ULK4: variants seen among roughly 807,000 people sequenced by gnomAD.
ULK4 encodes the protein unc-51 like kinase 4.
Under a neutral mutation model 160.6 loss-of-function variants are expected in ULK4, and 133 were observed. The observed-to-expected ratio is 0.83, with a 90% CI of 0.72 to 0.96. The LOEUF (loss-of-function observed/expected upper bound fraction) is 0.96, where lower values mean the gene tolerates loss of function less well. ULK4 is among the 40% of genes least tolerant of loss of function. The pLI is 0.00. For synonymous variants in ULK4, 534 were observed against 539.8 expected, an observed-to-expected ratio of 0.99 and a Z score of 0.15; for missense variants, 1,580 against 1,499.5, an observed-to-expected ratio of 1.05 and a Z score of -0.89.
intron 32 of ULK4, among the ~76,000 whole-genome samples, chr3:41,520,235 G>A (rs900715439): frequency 6.0e-5 from 9 of 149,778 alleles, no homozygotes; most frequent in African/African-American, 2.2e-4. Flanking sequence ...CCCAGCCCCT[G>A]GTAACCCCTG....
At chr3:41,895,976 T>G (rs1412267722) in intron 15 of ULK4, among the ~76,000 whole-genome samples, 1 of 152,156 alleles carries the variant, frequency 6.6e-6, no homozygotes, top group Non-Finnish European at 1.5e-5. Flanking sequence ...TGCCAATCGA[T>G]GCTTAAACAT....
intron 30 of ULK4, among the ~76,000 whole-genome samples, chr3:41,640,203 A>C (rs915264854): frequency 6.6e-6 from 1 of 152,202 alleles, no homozygotes; most frequent in Admixed American, 6.5e-5. Flanking sequence ...CCCCCACTGG[A>C]CCAGCTAGGA....
At chr3:41,321,184 G>A (rs1424949761) in intron 35 of ULK4, among the ~76,000 whole-genome samples, 1 of 152,104 alleles carries the variant, frequency 6.6e-6, no homozygotes, top group African/African-American at 2.4e-5. Context: ...AAGAGAAGAG[G>A]TGTTAATTAG....
chr3:41,765,361 G>T (rs1204600659), intron 21 of ULK4, among the ~76,000 whole-genome samples: 5 of 152,058 alleles, frequency 3.3e-5, no homozygotes, highest in Admixed American at 3.3e-4. Flanking sequence ...TGAACAATGA[G>T]AACACTTGGA....
At chr3:41,599,718 C>T (rs900167665) in intron 31 of ULK4, among the ~76,000 whole-genome samples, 3 of 151,968 alleles carry the variant, frequency 2.0e-5, no homozygotes, top group African/African-American at 7.3e-5. Flanking sequence ...GCACATACCA[C>T]CATGCCCAGC....
intron 34 of ULK4, among the ~76,000 whole-genome samples, chr3:41,401,815 T>C (rs1054431373): frequency 2.6e-5 from 4 of 152,142 alleles, no homozygotes; most frequent in Non-Finnish European, 5.9e-5. Context: ...CTGCACTAAG[T>C]CCAGTTTGGC....
At chr3:41,297,440 C>A (rs998172743) in intron 35 of ULK4, among the ~76,000 whole-genome samples, 1 of 152,196 alleles carries the variant, frequency 6.6e-6, no homozygotes, top group Non-Finnish European at 1.5e-5. Context: ...AAACAGGGGC[C>A]GAACTGATGC....
At chr3:41,808,799 C>T (rs749744353) in intron 19 of ULK4, among the ~76,000 whole-genome samples, 5 of 152,150 alleles carry the variant, frequency 3.3e-5, no homozygotes, top group African/African-American at 4.8e-5. Context: ...TGGACAAATG[C>T]CGTCAGGGCA....
intron 30 of ULK4, among the ~76,000 whole-genome samples, chr3:41,648,023 G>C (rs959566393): frequency 6.6e-6 from 1 of 152,222 alleles, no homozygotes; most frequent in African/African-American, 2.4e-5. Flanking sequence ...TAATCTCGTG[G>C]TGCGCCATTT....
intron 19 of ULK4, among the ~76,000 whole-genome samples, chr3:41,803,157 G>C (rs966333279): frequency 7.2e-6 from 1 of 138,074 alleles, no homozygotes; most frequent in Non-Finnish European, 1.5e-5. Context: ...GGCTTACAGA[G>C]CAAGACTCCA....
In ULK4 at chr3:41,566,185, G is replaced by T. The variant is rs1045677198; in HGVS notation, c.3121-55C>A. 6 of 1,464,324 alleles carry T rather than the reference G, an allele frequency of 4.1e-6. No individual in the cohort carries two copies. The Admixed American group carries it at 1.1e-4, about 26-fold the overall frequency. The allele number at this position is 1,464,324 out of a possible 1,614,324, so 90.7% of individuals were successfully genotyped here. A position where few individuals can be genotyped will look rare whatever the true frequency, so the allele number is the denominator to read the frequency against. Reference sequence around the variant, plus strand: ...CATACAGAAATACAATTACATCATCGTAAAGACAAATAAGCAAATGATGTC... The same window carrying T: ...CATACAGAAATACAATTACATCATCTTAAAGACAAATAAGCAAATGATGTC... On this transcript the variant is annotated intron_variant, in intron 31 of 36. Transcript: ENST00000301831.
Position 41,789,654 on chromosome 3 carries a change from G to C in ULK4, c.2193+7C>G. 1 of 1,562,024 alleles carries C rather than the reference G, an allele frequency of 6.4e-7. No individual in the cohort carries two copies. The highest frequency in any genetic ancestry group is 8.7e-7 in the Non-Finnish European group (1 of 1,155,392). Reference sequence around the variant, plus strand: ...ATGTAGAGTAACAGGTAAAATCTAAGTCAAACCTTTTCTTGGATTAGTCTT... The same window carrying C: ...ATGTAGAGTAACAGGTAAAATCTAACTCAAACCTTTTCTTGGATTAGTCTT... On this transcript the variant is annotated splice_region_variant and intron_variant, in intron 21 of 36. Coordinates refer to ENST00000301831, the MANE Select transcript of ULK4 (RefSeq NM_017886.4).
At chr3:41,297,177 G>A (rs1191308092) in intron 35 of ULK4, among the ~76,000 whole-genome samples, 5 of 152,156 alleles carry the variant, frequency 3.3e-5, no homozygotes, top group African/African-American at 1.2e-4. Flanking sequence ...CTGCCTCCGT[G>A]AGCGCCTGCT....
At chr3:41,664,259 T>C (rs1253696459) in intron 29 of ULK4, among the ~76,000 whole-genome samples, 1 of 152,170 alleles carries the variant, frequency 6.6e-6, no homozygotes, top group African/African-American at 2.4e-5. Context: ...CACCCTCACA[T>C]TCAGAGACTC....
At chr3:41,724,247 T>C (rs1253686502) in intron 22 of ULK4, among the ~76,000 whole-genome samples, 1 of 152,240 alleles carries the variant, frequency 6.6e-6, no homozygotes, top group African/African-American at 2.4e-5. Flanking sequence ...TTTCAATTAA[T>C]GAATAGGGCT....
chr3:41,436,225 T>C (rs73828025), intron 34 of ULK4, among the ~76,000 whole-genome samples: 1,639 of 152,290 alleles, frequency 0.011, 23 homozygotes, highest in African/African-American at 0.038. Context: ...TCTGAGCACA[T>C]ATAAGGTAGG....
At chr3:41,647,412 G>C (rs557672126) in intron 30 of ULK4, among the ~76,000 whole-genome samples, 2 of 152,342 alleles carry the variant, frequency 1.3e-5, no homozygotes, top group African/African-American at 4.8e-5. Context: ...CCTTCTAACA[G>C]ACAGGACCCT....
chr3:41,749,467 A>G (rs1231827851), intron 22 of ULK4, among the ~76,000 whole-genome samples: 1 of 152,220 alleles, frequency 6.6e-6, no homozygotes, highest in Non-Finnish European at 1.5e-5. Context: ...TGCATGACTA[A>G]GCGAGACTCC....
chr3:41,647,578 C>A (rs993755210), intron 30 of ULK4, among the ~76,000 whole-genome samples: 4 of 152,170 alleles, frequency 2.6e-5, no homozygotes, highest in Non-Finnish European at 4.4e-5. Context: ...GAGTACTGGG[C>A]CGTGTGAGGT....
Sources: gnomAD v4.1 joint callset for allele counts (sites outside exome capture counted in the v4.1 genomes callset) on GRCh38, gnomAD v4.1.1 for gene constraint, MANE v1.5 for transcripts, NCBI Gene and HGNC (gene_info 2026-07-23, HGNC 2026-07-21) for gene names.